CHRM3: variants seen among roughly 807,000 people sequenced by gnomAD.
CHRM3 encodes the protein cholinergic receptor muscarinic 3.
In CHRM3, 11 loss-of-function variants were observed where a neutral mutation model predicts 41.8. The observed-to-expected ratio is 0.26, with a 90% CI of 0.17 to 0.44. CHRM3 has a LOEUF of 0.44. CHRM3 is among the 20% of genes least tolerant of loss of function. The probability of loss-of-function intolerance (pLI) is 1.00; values close to 1 mark genes in which losing one functional copy is unlikely to be tolerated. For synonymous variants in CHRM3, 297 were observed against 301.4 expected (o/e 0.99, Z 0.15); for missense variants, 571 against 745.4 (o/e 0.77, Z 2.72).
At chr1:239,845,223 G>C (rs763623083) in intron 6 of CHRM3, among the ~76,000 whole-genome samples, 3 of 152,142 alleles carry the variant, frequency 2.0e-5, no homozygotes, top group Admixed American at 6.6e-5. Flanking sequence ...TTTCTGAGGT[G>C]TTCAGGGACT....
intron 1 of CHRM3, among the ~76,000 whole-genome samples, chr1:239,449,467 G>A (rs1437401081): frequency 6.6e-6 from 1 of 152,114 alleles, no homozygotes; most frequent in East Asian, 1.9e-4. Flanking sequence ...CATTGTATGA[G>A]CTTGTAGGAG....
intron 3 of CHRM3, among the ~76,000 whole-genome samples, chr1:239,551,144 CTTT>C (rs1157407521): frequency 5.6e-4 from 34 of 60,348 alleles, no homozygotes; most frequent in Non-Finnish European, 9.3e-4. Flanking sequence ...TGTTACCATT[CTTT>C]TTTTTTTTTT....
chr1:239,770,533 G>C (rs1022317441), intron 5 of CHRM3, among the ~76,000 whole-genome samples: 1 of 152,138 alleles, frequency 6.6e-6, no homozygotes, highest in African/African-American at 2.4e-5. Context: ...CAATAATCAC[G>C]ATTTTAAGGG....
Position 239,910,050 on chromosome 1 carries a change from C to G in CHRM3, c.*826C>G, listed in dbSNP as rs527404703. Reference sequence around the variant, plus strand: ...TTTCCACAGAGAGCAGCCAGGCCTTCCCAGCAGGTCTGTGCAGAGCGGACA... The same window carrying G: ...TTTCCACAGAGAGCAGCCAGGCCTTGCCAGCAGGTCTGTGCAGAGCGGACA... On this transcript the variant is annotated 3_prime_UTR_variant, in exon 7 of 7. Transcript: ENST00000676153. 6.9e-4 allele frequency: 116 copies of G among 167,118 alleles called. 2 individuals carry two copies. The highest frequency in any genetic ancestry group is 2.5e-3 in the African/African-American group (104 of 41,550). 10.4% of individuals were successfully genotyped at this position (167,118 alleles called of 1,614,324 possible).
At chr1:239,815,611 T>G (rs1297945024) in intron 5 of CHRM3, among the ~76,000 whole-genome samples, 2 of 152,206 alleles carry the variant, frequency 1.3e-5, no homozygotes, top group Admixed American at 6.5e-5. Flanking sequence ...AACAATAAGC[T>G]TATAGACTAA....
chr1:239,599,381 T>TC (rs1194391954), intron 3 of CHRM3, among the ~76,000 whole-genome samples: 3 of 151,374 alleles, frequency 2.0e-5, no homozygotes, highest in African/African-American at 4.8e-5. Flanking sequence ...TCTTGGATCC[T>TC]CAAATATTAA....
At chr1:239,778,878 G>A (rs144448984) in intron 5 of CHRM3, among the ~76,000 whole-genome samples, 34 of 152,100 alleles carry the variant, frequency 2.2e-4, no homozygotes, top group Middle Eastern at 3.4e-3. Flanking sequence ...TGCAATGACC[G>A]TATAAAGTCC....
At chr1:239,460,883 G>T (rs2147877628) in intron 1 of CHRM3, among the ~76,000 whole-genome samples, 1 of 152,330 alleles carries the variant, frequency 6.6e-6, no homozygotes, top group African/African-American at 2.4e-5. Context: ...TGATTCCTAT[G>T]CTTCAGAGAG....
At chr1:239,523,688 G>A (rs902688682) in intron 2 of CHRM3, among the ~76,000 whole-genome samples, 1 of 152,090 alleles carries the variant, frequency 6.6e-6, no homozygotes, top group Non-Finnish European at 1.5e-5. Flanking sequence ...TACCCTAGGG[G>A]CATCCAATTA....
rs181989765 is a variant in CHRM3 at position 239,713,389 on chromosome 1, A to G, written c.-147+35101A>G. 4.6e-5 allele frequency among the ~76,000 whole-genome samples: 7 copies of G among 152,262 alleles called. No individual in the cohort carries two copies. The East Asian group carries it at 1.4e-3, about 29-fold the overall frequency. On this transcript the variant is annotated intron_variant, in intron 5 of 6. Coordinates refer to ENST00000676153, the MANE Select transcript of CHRM3 (RefSeq NM_001375978.1). ...TATCTTGTTCTTCCTTTCCATCACA[A>G]TTGTGCCTGGCCCATTGCTCATCAA...
At chr1:239,640,987 A>G (rs1236186573) in intron 4 of CHRM3, among the ~76,000 whole-genome samples, 1 of 151,636 alleles carries the variant, frequency 6.6e-6, no homozygotes, top group Non-Finnish European at 1.5e-5. Flanking sequence ...ATTGGTTTCA[A>G]AGAACATCTT....
chr1:239,801,301 A>G (rs1670194764), intron 5 of CHRM3, among the ~76,000 whole-genome samples: 1 of 152,198 alleles, frequency 6.6e-6, no homozygotes, highest in South Asian at 2.1e-4. Context: ...GCCATCAGCT[A>G]CAGTGATTTA....
chr1:239,506,377 T>C (rs2148168103), intron 2 of CHRM3, among the ~76,000 whole-genome samples: 1 of 152,264 alleles, frequency 6.6e-6, no homozygotes, highest in East Asian at 1.9e-4. Flanking sequence ...ACTCCAGCCA[T>C]GGCTAAAAGA....
intron 3 of CHRM3, among the ~76,000 whole-genome samples, chr1:239,594,228 A>G (rs1353621593): frequency 2.6e-5 from 4 of 152,252 alleles, no homozygotes; most frequent in African/African-American, 9.6e-5. Flanking sequence ...AAAGCCAGAC[A>G]AATTTGATAA....
chr1:239,825,919 C>G (rs1672419361), intron 5 of CHRM3, among the ~76,000 whole-genome samples: 1 of 152,084 alleles, frequency 6.6e-6, no homozygotes, highest in Admixed American at 6.5e-5. Flanking sequence ...ATAGATGAAC[C>G]TTGAGAACAT....
chr1:239,539,093 C>T (rs1658483616), intron 2 of CHRM3, among the ~76,000 whole-genome samples: 1 of 152,122 alleles, frequency 6.6e-6, no homozygotes, highest in South Asian at 2.1e-4. Flanking sequence ...ATGGCTTTGT[C>T]AGATGTAAAA....
At chr1:239,536,341 C>G (rs1168531500) in intron 2 of CHRM3, among the ~76,000 whole-genome samples, 1 of 152,198 alleles carries the variant, frequency 6.6e-6, no homozygotes, top group South Asian at 2.1e-4. Context: ...TGGCTACAGT[C>G]ATCCTCCTCC....
chr1:239,909,068 G>A lies in CHRM3; in HGVS notation c.1617G>A (p.Val539=). The change falls in exon 7 of 7, where the codon GTG becomes GTA. Residue 539 remains valine, a synonymous_variant. Coordinates refer to ENST00000676153, the MANE Select transcript of CHRM3 (RefSeq NM_001375978.1). ...GGCTGTGCTACATCAACAGCACCGTGAACCCCGTGTGCTATGCTCTGTGCA... is the reference window on the plus strand; with the variant it reads ...GGCTGTGCTACATCAACAGCACCGTAAACCCCGTGTGCTATGCTCTGTGCA... ...GYWLCYINST[V]NPVCYALCNK... is the part of the protein sequence containing the mutation. 1 of 1,614,096 alleles carries A rather than the reference G, an allele frequency of 6.2e-7. No homozygotes were observed. The highest frequency in any genetic ancestry group is 8.5e-7 in the Non-Finnish European group (1 of 1,180,040).
At chr1:239,691,155 C>T (rs1313599810) in intron 5 of CHRM3, among the ~76,000 whole-genome samples, 1 of 151,984 alleles carries the variant, frequency 6.6e-6, no homozygotes, top group Admixed American at 6.6e-5. Flanking sequence ...TCACCAGACC[C>T]CCATGGTCAC....
Sources: allele counts gnomAD v4.1 joint callset (sites outside exome capture counted in the v4.1 genomes callset), GRCh38; gene constraint gnomAD v4.1.1; transcripts MANE v1.5; gene names NCBI Gene and HGNC (gene_info 2026-07-23, HGNC 2026-07-21).